The following OR13C9 variants were observed in gnomAD, a reference collection of about 807,000 sequenced individuals.
OR13C9 encodes olfactory receptor family 13 subfamily C member 9.
For missense variants in OR13C9, 368 were observed against 382.2 expected, an observed-to-expected ratio of 0.96 and a Z score of 0.31; for synonymous variants, 133 against 134.9, an observed-to-expected ratio of 0.99 and a Z score of 0.10.
chr9:104,617,984 G>A lies in OR13C9; in HGVS notation c.221C>T (p.Thr74Ile). The A allele has an allele frequency of 6.2e-7, 1 of 1,614,062 alleles. No homozygotes were observed. The highest frequency in any genetic ancestry group is 8.5e-7 in the Non-Finnish European group (1 of 1,179,992). Reference protein sequence around the residue: ...GNLSFLDICYTTTSIPSTLVS... With the variant: ...GNLSFLDICYITTSIPSTLVS... ...TAGTGTGGAGGGAATAGAGGTGGTGGTGTAGCAGATGTCCAAGAAGGAGAG... is the reference window on the plus strand; with the variant it reads ...TAGTGTGGAGGGAATAGAGGTGGTGATGTAGCAGATGTCCAAGAAGGAGAG... The change falls in exon 1 of 1, where the codon ACC becomes ATC. Residue 74 changes from threonine to isoleucine, a missense_variant. Thr to Ile is a moderately conservative substitution (Grantham distance 89, BLOSUM62 -1). Coordinates refer to ENST00000259362, the MANE Select transcript of OR13C9 (RefSeq NM_001001956.1).
In OR13C9 at chr9:104,617,428, A is replaced by G. The variant is rs77027511; in HGVS notation, c.777T>C (p.Tyr259=). 45 of 1,613,838 alleles carry G rather than the reference A, an allele frequency of 2.8e-5. No individual in the cohort carries two copies. Among genetic ancestry groups the G allele is most frequent in the Middle Eastern group, 3.3e-4 (2 of 6,062 alleles). Residue 259 remains tyrosine, a synonymous_variant, in exon 1 of 1, where the codon TAT becomes TAC. Coordinates refer to ENST00000259362, the MANE Select transcript of OR13C9 (RefSeq NM_001001956.1). ...IIFYGTILFM[Y]MKPKSKETLN... ...GTGTCTCTTTAGACTTGGGCTTCAT[A>G]TACATGAAGAGGATGGTCCCATAGA...
In OR13C9 at chr9:104,617,314, A is replaced by G; in HGVS notation, c.891T>C (p.Ser297=). 8 of 1,613,620 alleles carry G rather than the reference A, an allele frequency of 5.0e-6. No individual in the cohort carries two copies. Among genetic ancestry groups the G allele is most frequent in the Non-Finnish European group, 6.8e-6 (8 of 1,179,758 alleles). ...CCTCTTTCACATCCTTGTTTCTAAG[A>G]CTGTAGATTAAAGGATTCATCATGG... ...MTPMMNPLIY[S]LRNKDVKEAV... Residue 297 remains serine (S), a synonymous_variant, in exon 1 of 1, where the codon AGT becomes AGC. Transcript: ENST00000259362.
rs1728523279 is a variant in OR13C9 at position 104,618,080 on chromosome 9, T to A, written c.125A>T (p.Asn42Ile). ...FIMYVVILLGNGTLILISILD... is the reference protein window; with the variant it reads ...FIMYVVILLGIGTLILISILD... ...GATGCTGATTAAAATGAGAGTACCA[T>A]TCCCCAGAAGGATGACCACATACAT... Residue 42 changes from asparagine to isoleucine, a missense_variant, in exon 1 of 1, where the codon AAT (asparagine) becomes ATT (isoleucine). Transcript: ENST00000259362. 3 of 1,613,722 alleles carry A rather than the reference T, an allele frequency of 1.9e-6. No individual in the cohort carries two copies. The highest frequency in any genetic ancestry group is 1.3e-5 in the African/African-American group (1 of 74,976).
Position 104,617,376 on chromosome 9 carries a change from C to T in OR13C9, c.829G>A (p.Asp277Asn), listed in dbSNP as rs1449453306. The change falls in exon 1 of 1, where the codon GAC becomes AAC. Residue 277 changes from aspartate to asparagine, a missense_variant. By Grantham distance (23) the Asp-to-Asn change is conservative (BLOSUM62 1). Coordinates refer to ENST00000259362, the MANE Select transcript of OR13C9 (RefSeq NM_001001956.1). ...TLNSDDLDAT[D>N]KIISMFYGVM... ...CCATAGAACATGGATATAATTTTGT[C>T]GGTAGCATCCAAGTCATCTGAATTA... The T allele has an allele frequency of 6.8e-6, 11 of 1,613,746 alleles. No individual in the cohort carries two copies. Among genetic ancestry groups the T allele is most frequent in the Middle Eastern group, 1.6e-4 (1 of 6,062 alleles).
chr9:104,617,978 G>T lies in OR13C9; in HGVS notation c.227C>A (p.Thr76Asn), dbSNP rs753998865. 3.1e-6 allele frequency: 5 copies of T among 1,613,910 alleles called. No homozygotes were observed. The South Asian group carries it at 5.5e-5, about 18-fold the overall frequency. ...LSFLDICYTT[T>N]SIPSTLVSFL... The stretch of plus-strand genomic sequence containing the variant: ...GCTCACTAGTGTGGAGGGAATAGAG[G>T]TGGTGGTGTAGCAGATGTCCAAGAA... Residue 76 changes from threonine (T) to asparagine (N), a missense_variant, in exon 1 of 1, where the codon ACC becomes AAC. Physicochemically the swap from Thr to Asn is moderately conservative, Grantham distance 65. Coordinates refer to ENST00000259362, the MANE Select transcript of OR13C9 (RefSeq NM_001001956.1).
rs1352571027 is a variant in OR13C9, at chr9:104,618,178, CA to C, written c.26del (p.Leu9ArgfsTer6). 7 of 1,613,122 alleles carry C rather than the reference CA, an allele frequency of 4.3e-6. No homozygotes were observed. In the Admixed American group the frequency reaches 5.0e-5, roughly 12 times the overall value. On this transcript the variant is annotated frameshift_variant, in exon 1 of 1. Coordinates refer to ENST00000259362, the MANE Select transcript of OR13C9 (RefSeq NM_001001956.1). LOFTEE classifies it low-confidence loss of function (END_TRUNC). ...AATGTCCCTTCAGAAAAAATTCCAC[CA>C]GAATGGTTTGGTTTTCCCATTCCAT... is the stretch of plus-strand genomic sequence containing the variant. Reference protein sequence around the residue: MEWENQTILVEFFLKGHSV... With the variant: MEWENQTIXVEFFLKGHSV...
Position 104,617,554 on chromosome 9 carries a change from A to T in OR13C9, c.651T>A (p.Ser217=). 1 of 1,613,878 alleles carries T rather than the reference A, an allele frequency of 6.2e-7. No individual in the cohort carries two copies. The highest frequency in any genetic ancestry group is 8.5e-7 in the Non-Finnish European group (1 of 1,179,922). ...TLMPLLLIVI[S]YSLIISSILK... ...GGATGCTGGAAATGATTAATGAGTA[A>T]GAGATAACTATCAAGAGCAGTGGCA... The change falls in exon 1 of 1, where the codon TCT becomes TCA. Residue 217 remains serine (S), a synonymous_variant. Transcript: ENST00000259362.
chr9:104,617,662 A>T lies in OR13C9; in HGVS notation c.543T>A (p.Ile181=). Reference sequence around the variant, plus strand: ...CACAGGCCAACTTCATGACAGCTAGAATTTCACATGAGAAATGATTGATGA... The same window carrying T: ...CACAGGCCAACTTCATGACAGCTAGTATTTCACATGAGAAATGATTGATGA... ...KNVINHFSCE[I]LAVMKLACAD... The change falls in exon 1 of 1, where the codon ATT becomes ATA. Residue 181 remains isoleucine (I), a synonymous_variant. Transcript: ENST00000259362. 1 of 1,613,982 alleles carries T rather than the reference A, an allele frequency of 6.2e-7. No homozygotes were observed. Among genetic ancestry groups the T allele is most frequent in the Non-Finnish European group, 8.5e-7 (1 of 1,179,972 alleles).
Position 104,617,835 on chromosome 9 carries a change from C to A in OR13C9, c.370G>T (p.Val124Leu), listed in dbSNP as rs771400841. The A allele has an allele frequency of 2.5e-6, 4 of 1,614,046 alleles. No homozygotes were observed. The Middle Eastern group carries it at 5.0e-4, about 200-fold the overall frequency. The change falls in exon 1 of 1, where the codon GTG becomes TTG. Residue 124 changes from valine (V) to leucine (L), a missense_variant. Coordinates refer to ENST00000259362, the MANE Select transcript of OR13C9 (RefSeq NM_001001956.1). Reference sequence around the variant, plus strand: ...TATCTCAGAGGGTTGCAGATAGCCACATAGCGGTCAAAGGCCATCATGCCC... The same window carrying A: ...TATCTCAGAGGGTTGCAGATAGCCAAATAGCGGTCAAAGGCCATCATGCCC... ...LLGMMAFDRY[V>L]AICNPLRYPI...
rs377675822 is a variant in OR13C9, at chr9:104,617,613, G to A, written c.592C>T (p.Leu198Phe). ...AACAATATTGTGGCCACAAGCATGA[G>A]GAACTCATTGCCTGAGATGTCAGCA... The part of the protein sequence containing the change: ...ACADISGNEF[L>F]MLVATILFTL... The change falls in exon 1 of 1, where the codon CTC (leucine) becomes TTC (phenylalanine). Residue 198 changes from leucine (L) to phenylalanine (F), a missense_variant. By Grantham distance (22) the Leu-to-Phe change is conservative. Coordinates refer to ENST00000259362, the MANE Select transcript of OR13C9 (RefSeq NM_001001956.1). 6 of 1,613,858 alleles carry A rather than the reference G, an allele frequency of 3.7e-6. No individual in the cohort carries two copies. The highest frequency in any genetic ancestry group is 4.2e-6 in the Non-Finnish European group (5 of 1,179,868).
chr9:104,617,840 C>A lies in OR13C9; in HGVS notation c.365G>T (p.Arg122Leu). 1 of 1,614,008 alleles carries A rather than the reference C, an allele frequency of 6.2e-7. No homozygotes were observed. The highest frequency in any genetic ancestry group is 8.5e-7 in the Non-Finnish European group (1 of 1,179,972). Residue 122 changes from arginine to leucine, a missense_variant, in exon 1 of 1, where the codon CGC becomes CTC. Coordinates refer to ENST00000259362, the MANE Select transcript of OR13C9 (RefSeq NM_001001956.1). ...CAGAGGGTTGCAGATAGCCACATAG[C>A]GGTCAAAGGCCATCATGCCCAGAAG... The part of the protein sequence containing the change: ...CVLLGMMAFD[R>L]YVAICNPLRY...
Position 104,617,920 on chromosome 9 carries a change from A to G in OR13C9, c.285T>C (p.Ser95=). 1.2e-6 allele frequency: 2 copies of G among 1,614,068 alleles called. No individual in the cohort carries two copies. Among genetic ancestry groups the G allele is most frequent in the Non-Finnish European group, 8.5e-7 (1 of 1,180,002 alleles). The change falls in exon 1 of 1, where the codon TCT becomes TCC. Residue 95 remains serine (S), a synonymous_variant. Transcript: ENST00000259362. ...FLSERKTISF[S]GCAVQMFLGL... is the part of the protein sequence containing the mutation. The stretch of plus-strand genomic sequence containing the variant: ...CAAGGAACATCTGCACTGCACAGCC[A>G]GAAAAGGAAATGGTCTTTCTTTCTG...
In OR13C9 at chr9:104,617,311, A is replaced by C; in HGVS notation, c.894T>G (p.Leu298=). 2.5e-6 allele frequency: 4 copies of C among 1,613,580 alleles called. No homozygotes were observed. Among genetic ancestry groups the C allele is most frequent in the Non-Finnish European group, 3.4e-6 (4 of 1,179,714 alleles). Residue 298 remains leucine, a synonymous_variant, in exon 1 of 1, where the codon CTT becomes CTG. Coordinates refer to ENST00000259362, the MANE Select transcript of OR13C9 (RefSeq NM_001001956.1). Reference sequence around the variant, plus strand: ...CTGCCTCTTTCACATCCTTGTTTCTAAGACTGTAGATTAAAGGATTCATCA... The same window carrying C: ...CTGCCTCTTTCACATCCTTGTTTCTCAGACTGTAGATTAAAGGATTCATCA... The part of the protein sequence containing the change: ...TPMMNPLIYS[L]RNKDVKEAVK...
chr9:104,617,684 A>C lies in OR13C9; in HGVS notation c.521T>G (p.Ile174Ser). ...TAGAATTTCACATGAGAAATGATTG[A>C]TGACATTCTTCCTGCAGAAAGGCAA... ...VQLPFCRKNVINHFSCEILAV... is the reference protein window; with the variant it reads ...VQLPFCRKNVSNHFSCEILAV... The change falls in exon 1 of 1, where the codon ATC becomes AGC. Residue 174 changes from isoleucine to serine, a missense_variant. Transcript: ENST00000259362. 2.5e-6 allele frequency: 4 copies of C among 1,613,972 alleles called. No individual in the cohort carries two copies. Among genetic ancestry groups the C allele is most frequent in the Non-Finnish European group, 3.4e-6 (4 of 1,179,972 alleles).
At position 104,617,385 on chromosome 9, in the gene OR13C9, C is replaced by T. The variant is rs1826461499; in HGVS notation, c.820G>A (p.Asp274Asn). Residue 274 changes from aspartate (D) to asparagine (N), a missense_variant, in exon 1 of 1, where the codon GAT becomes AAT. Coordinates refer to ENST00000259362, the MANE Select transcript of OR13C9 (RefSeq NM_001001956.1). ...ATGGATATAATTTTGTCGGTAGCAT[C>T]CAAGTCATCTGAATTAAGTGTCTCT... ...SKETLNSDDL[D>N]ATDKIISMFY... 6.2e-6 allele frequency: 10 copies of T among 1,613,822 alleles called. No individual in the cohort carries two copies. Among genetic ancestry groups the T allele is most frequent in the Middle Eastern group, 1.6e-4 (1 of 6,062 alleles).
rs1826465997 is a variant in OR13C9 at position 104,617,565 on chromosome 9, T to G, written c.640A>C (p.Ile214Leu). Reference sequence around the variant, plus strand: ...ATGATTAATGAGTAAGAGATAACTATCAAGAGCAGTGGCATCAATGTGAAC... The same window carrying G: ...ATGATTAATGAGTAAGAGATAACTAGCAAGAGCAGTGGCATCAATGTGAAC... Reference protein sequence around the residue: ...ILFTLMPLLLIVISYSLIISS... With the variant: ...ILFTLMPLLLLVISYSLIISS... Residue 214 changes from isoleucine (I) to leucine (L), a missense_variant, in exon 1 of 1, where the codon ATA becomes CTA. Ile to Leu is a conservative substitution (Grantham distance 5). Transcript: ENST00000259362. 1 of 1,613,794 alleles carries G rather than the reference T, an allele frequency of 6.2e-7. No individual in the cohort carries two copies. The highest frequency in any genetic ancestry group is 1.7e-4 in the Middle Eastern group (1 of 6,056).
chr9:104,617,907 G>T lies in OR13C9; in HGVS notation c.298C>A (p.Gln100Lys). 2 of 1,614,044 alleles carry T rather than the reference G, an allele frequency of 1.2e-6. No individual in the cohort carries two copies. Among genetic ancestry groups the T allele is most frequent in the Non-Finnish European group, 1.7e-6 (2 of 1,180,012 alleles). The change falls in exon 1 of 1, where the codon CAG becomes AAG. Residue 100 changes from glutamine to lysine, a missense_variant. By Grantham distance (53) the Gln-to-Lys change is moderately conservative. Transcript: ENST00000259362. ...CCCATGGCCAAGCCAAGGAACATCT[G>T]CACTGCACAGCCAGAAAAGGAAATG... ...KTISFSGCAV[Q>K]MFLGLAMGTT...
rs1826476836 is a variant in OR13C9 at position 104,618,070 on chromosome 9, G to A, written c.135C>T (p.Leu45=). Residue 45 remains leucine (L), a synonymous_variant, in exon 1 of 1, where the codon CTC becomes CTT. Coordinates refer to ENST00000259362, the MANE Select transcript of OR13C9 (RefSeq NM_001001956.1). ...GAGGGTCCAAGATGCTGATTAAAAT[G>A]AGAGTACCATTCCCCAGAAGGATGA... The part of the protein sequence containing the change: ...YVVILLGNGT[L]ILISILDPHL... 1.2e-6 allele frequency: 2 copies of A among 1,613,842 alleles called. No homozygotes were observed. Among genetic ancestry groups the A allele is most frequent in the African/African-American group, 1.3e-5 (1 of 75,016 alleles).
Position 104,617,504 on chromosome 9 carries a change from C to T in OR13C9, c.701G>A (p.Arg234Lys), listed in dbSNP as rs1291483304. The T allele has an allele frequency of 1.9e-6, 3 of 1,613,670 alleles. No homozygotes were observed. The highest frequency in any genetic ancestry group is 2.2e-5 in the East Asian group (1 of 44,878). ...SILKIHSSEG[R>K]SKAFSTCSAH... ...TGAGCAGGTAGAGAAAGCTTTGCTT[C>T]TCCCCTCAGAGGAGTGAATCTTGAG... Residue 234 changes from arginine to lysine, a missense_variant, in exon 1 of 1, where the codon AGA (arginine) becomes AAA (lysine). Coordinates refer to ENST00000259362, the MANE Select transcript of OR13C9 (RefSeq NM_001001956.1).
Sources: gnomAD v4.1 joint callset for allele counts on GRCh38, gnomAD v4.1.1 for gene constraint, MANE v1.5 for transcripts, NCBI Gene and HGNC (gene_info 2026-07-23, HGNC 2026-07-21) for gene names.